KCNB2: variants seen among roughly 807,000 people sequenced by gnomAD.
The protein encoded by KCNB2 is potassium voltage-gated channel subfamily B member 2, also known as delayed rectifier potassium channel protein.
Under a neutral mutation model 61.5 loss-of-function variants are expected in KCNB2, and 15 were observed. That is an observed-to-expected ratio of 0.24 (90% confidence interval 0.16 to 0.38). KCNB2 has a LOEUF of 0.38. Among genes scored for constraint, KCNB2 ranks in the 10% least tolerant of loss-of-function variants. The probability of loss-of-function intolerance (pLI) is 1.00; values close to 1 mark genes in which losing one functional copy is unlikely to be tolerated. For missense variants in KCNB2, 828 were observed against 1,125.2 expected (o/e 0.74, Z 3.78); for synonymous variants, 457 against 446.0 (o/e 1.02, Z -0.31).
At chr8:72,847,968 C>A (rs28579429) in intron 2 of KCNB2, among the ~76,000 whole-genome samples, 22,946 of 152,102 alleles carry the variant, frequency 0.15, 2,372 homozygotes, top group African/African-American at 0.29. Flanking sequence ...AATTCTCTCC[C>A]CCTAAACACT....
chr8:72,601,544 A>C (rs1805352285), intron 2 of KCNB2, among the ~76,000 whole-genome samples: 1 of 152,166 alleles, frequency 6.6e-6, no homozygotes, highest in African/African-American at 2.4e-5. Flanking sequence ...ACACATGAAA[A>C]ATGAATCTTT....
intron 2 of KCNB2, among the ~76,000 whole-genome samples, chr8:72,772,335 G>A (rs1429113594): frequency 6.6e-6 from 1 of 152,182 alleles, no homozygotes; most frequent in Non-Finnish European, 1.5e-5. Context: ...ATAGGCTGCA[G>A]CATCCCTGGC....
At chr8:72,631,794 C>T (rs1299595145) in intron 2 of KCNB2, among the ~76,000 whole-genome samples, 1 of 152,062 alleles carries the variant, frequency 6.6e-6, no homozygotes, top group Non-Finnish European at 1.5e-5. Context: ...AGTTGATTTC[C>T]ATGTTATTCA....
At chr8:72,874,973 A>G (rs1362913054) in intron 2 of KCNB2, 1 of 152,242 alleles carries the variant, frequency 6.6e-6, no homozygotes, top group Admixed American at 6.5e-5. Flanking sequence ...TCTTTCCACT[A>G]ACACCCTCTG....
intron 2 of KCNB2, among the ~76,000 whole-genome samples, chr8:72,721,625 G>T (rs1269738115): frequency 6.6e-6 from 1 of 152,188 alleles, no homozygotes; most frequent in Non-Finnish European, 1.5e-5. Context: ...GGACTCTACA[G>T]TTAACTCTGT....
intron 2 of KCNB2, among the ~76,000 whole-genome samples, chr8:72,769,263 A>G (rs1296903051): frequency 6.6e-6 from 1 of 152,084 alleles, no homozygotes; most frequent in East Asian, 1.9e-4. Flanking sequence ...TAAGGTGGAT[A>G]TGTATGCTGG....
chr8:72,752,733 A>T (rs1808214528), intron 2 of KCNB2, among the ~76,000 whole-genome samples: 1 of 152,206 alleles, frequency 6.6e-6, no homozygotes, highest in Admixed American at 6.5e-5. Flanking sequence ...CGATATAGAT[A>T]TATTTCCCAT....
intron 2 of KCNB2, among the ~76,000 whole-genome samples, chr8:72,681,414 C>G (rs1412844217): frequency 6.6e-6 from 1 of 152,094 alleles, no homozygotes; most frequent in Admixed American, 6.5e-5. Context: ...CAGGCCTACA[C>G]AGCACCAGGA....
rs183933183 is a variant in KCNB2, at chr8:72,849,117, A to G, written c.580-86818A>G. On this transcript the variant is annotated intron_variant, in intron 2 of 2. Coordinates refer to ENST00000523207, the MANE Select transcript of KCNB2 (RefSeq NM_004770.3). Reference sequence around the variant, plus strand: ...CTAAGTATTTATGACTCATTTTCTTAGCCACAAAAAGAGGTTTTTCCATCA... The same window carrying G: ...CTAAGTATTTATGACTCATTTTCTTGGCCACAAAAAGAGGTTTTTCCATCA... Among the ~76,000 whole-genome samples the G allele has an allele frequency of 3.1e-5, 4 of 130,866 alleles. No homozygotes were observed. The East Asian group carries it at 5.8e-4, about 19-fold the overall frequency. 85.9% of individuals were successfully genotyped at this position (130,866 alleles called of 152,430 possible).
chr8:72,604,596 A>T (rs1805417393), intron 2 of KCNB2, among the ~76,000 whole-genome samples: 1 of 152,196 alleles, frequency 6.6e-6, no homozygotes, highest in South Asian at 2.1e-4. Context: ...AGAGCTGTAT[A>T]CTCTTCCCAA....
chr8:72,569,595 T>C (rs1164862066), intron 2 of KCNB2, among the ~76,000 whole-genome samples: 4 of 151,992 alleles, frequency 2.6e-5, no homozygotes, highest in Non-Finnish European at 5.9e-5. Context: ...TAGGTTTTTT[T>C]GTAGTTTTGG....
At chr8:72,908,724 C>T (rs866579541) in intron 2 of KCNB2, among the ~76,000 whole-genome samples, 15 of 152,282 alleles carry the variant, frequency 9.9e-5, no homozygotes, top group African/African-American at 2.6e-4. Context: ...GCAGCAGGAG[C>T]GCAGGAGCTG....
intron 2 of KCNB2, among the ~76,000 whole-genome samples, chr8:72,861,186 T>C (rs976981728): frequency 6.8e-6 from 1 of 146,958 alleles, no homozygotes; most frequent in Non-Finnish European, 1.5e-5. Flanking sequence ...CTGAACAAAG[T>C]CCATTTATAA....
rs113558015 is a variant in KCNB2, at chr8:72,646,991, A to G, written c.579+78678A>G. ...AAAGAGGTTAAGTAACCTCAAGATC[A>G]CTCAGTAAATAAATGGAAGAGCTAA... is the stretch of plus-strand genomic sequence containing the variant. On this transcript the variant is annotated intron_variant, in intron 2 of 2. Coordinates refer to ENST00000523207, the MANE Select transcript of KCNB2 (RefSeq NM_004770.3). 3.0e-3 allele frequency among the ~76,000 whole-genome samples: 459 copies of G among 152,212 alleles called. 2 individuals carry two copies. Among genetic ancestry groups the G allele is most frequent in the African/African-American group, 0.01 (436 of 41,528 alleles).
chr8:72,779,875 T>C (rs1246790268), intron 2 of KCNB2, among the ~76,000 whole-genome samples: 2 of 152,174 alleles, frequency 1.3e-5, no homozygotes, highest in Non-Finnish European at 2.9e-5. Context: ...CGGTATTCAA[T>C]ATCCACCACT....
chr8:72,762,675 A>G (rs1808400191), intron 2 of KCNB2, among the ~76,000 whole-genome samples: 1 of 152,120 alleles, frequency 6.6e-6, no homozygotes, highest in African/African-American at 2.4e-5. Context: ...GGATTCAATG[A>G]AATAATAATA....
At chr8:72,743,395 T>G (rs77956930) in intron 2 of KCNB2, among the ~76,000 whole-genome samples, 10,219 of 152,198 alleles carry the variant, frequency 0.067, 1,087 homozygotes, top group African/African-American at 0.23. Flanking sequence ...GTACCTTCCC[T>G]AGTATACGTT....
intron 2 of KCNB2, among the ~76,000 whole-genome samples, chr8:72,695,998 C>T (rs546499237): frequency 2.6e-5 from 4 of 152,282 alleles, no homozygotes; most frequent in South Asian, 4.2e-4. Context: ...GGCTGTAGCC[C>T]ATGAACCGCA....
intron 2 of KCNB2, among the ~76,000 whole-genome samples, chr8:72,929,283 G>A (rs993025045): frequency 2.0e-5 from 3 of 152,100 alleles, no homozygotes; most frequent in African/African-American, 4.8e-5. Flanking sequence ...GCAAGTCTCC[G>A]GCTGCTTTAC....
Sources: allele counts gnomAD v4.1 joint callset (sites outside exome capture counted in the v4.1 genomes callset), GRCh38; gene constraint gnomAD v4.1.1; transcripts MANE v1.5; gene names NCBI Gene and HGNC (gene_info 2026-07-23, HGNC 2026-07-21).